Variants in SDK1 observed in about 807,000 individuals in gnomAD.
SDK1 encodes protein sidekick-1.
A neutral mutation model predicts 245.5 loss-of-function variants in SDK1; 157 were observed. The ratio of observed to expected loss-of-function variants is 0.64; its 90% confidence interval spans 0.56 to 0.73. The LOEUF (loss-of-function observed/expected upper bound fraction) is 0.73, where lower values mean the gene tolerates loss of function less well. Among genes scored for constraint, SDK1 ranks in the 30% least tolerant of loss-of-function variants. The probability of loss-of-function intolerance (pLI) is 0.00; values close to 1 mark genes in which losing one functional copy is unlikely to be tolerated. For synonymous variants in SDK1, 1,647 were observed against 1,278.5 expected (o/e 1.29, Z -6.15); for missense variants, 3,583 against 3,002.3 (o/e 1.19, Z -4.52).
intron 1 of SDK1, among the ~76,000 whole-genome samples, chr7:3,576,723 T>G (rs1333221184): frequency 1.3e-5 from 2 of 152,104 alleles, no homozygotes; most frequent in African/African-American, 4.8e-5. Flanking sequence ...TTGAGCCACG[T>G]GCACAAACTA....
intron 22 of SDK1, among the ~76,000 whole-genome samples, chr7:4,105,323 T>A (rs982980241): frequency 2.3e-4 from 34 of 149,476 alleles, no homozygotes; most frequent in African/African-American, 3.2e-4. Context: ...CGTTTGTTTG[T>A]TTTAGATGGA....
intron 32 of SDK1, among the ~76,000 whole-genome samples, chr7:4,163,179 G>T (rs1209738564): frequency 6.6e-6 from 1 of 152,184 alleles, no homozygotes; most frequent in East Asian, 1.9e-4. Context: ...ATAGTGGGAT[G>T]GGGCCAGCAT....
intron 1 of SDK1, among the ~76,000 whole-genome samples, chr7:3,585,549 G>T (rs751660022): frequency 1.5e-4 from 23 of 152,196 alleles, no homozygotes; most frequent in Non-Finnish European, 2.6e-4. Flanking sequence ...GCACAAAGCT[G>T]CAAGAGCCCT....
chr7:3,884,721 T>C (rs576476774), intron 5 of SDK1, among the ~76,000 whole-genome samples: 2 of 152,332 alleles, frequency 1.3e-5, no homozygotes, highest in South Asian at 2.1e-4. Context: ...GAACTACAGC[T>C]ATGGGCAGAG....
intron 1 of SDK1, among the ~76,000 whole-genome samples, chr7:3,530,482 A>G (rs570444749): frequency 7.5e-4 from 114 of 152,340 alleles, no homozygotes; most frequent in Non-Finnish European, 1.3e-3. Context: ...GAAAACATCT[A>G]CTGATAATGG....
chr7:3,517,154 G>C (rs1379246599), intron 1 of SDK1, among the ~76,000 whole-genome samples: 3 of 152,076 alleles, frequency 2.0e-5, no homozygotes, highest in Non-Finnish European at 4.4e-5. Context: ...AATTTCCTAA[G>C]CTTTCTGAAA....
chr7:3,812,715 G>A (rs1779415159), intron 4 of SDK1, among the ~76,000 whole-genome samples: 1 of 152,118 alleles, frequency 6.6e-6, no homozygotes. Context: ...TTCTCCTACT[G>A]CAGAAGTATA....
chr7:3,701,272 G>A (rs1044416180), intron 4 of SDK1, among the ~76,000 whole-genome samples: 2 of 152,158 alleles, frequency 1.3e-5, no homozygotes, highest in Non-Finnish European at 2.9e-5. Context: ...ACAAAATACC[G>A]ATGACAGAAA....
At chr7:3,958,266 A>G (rs1052091311) in intron 7 of SDK1, 7 of 278,010 alleles carry the variant, frequency 2.5e-5, no homozygotes, top group African/African-American at 1.2e-4. Flanking sequence ...TTTCTGCTGA[A>G]TAAACTGGAA....
At chr7:3,375,006 G>A (rs767775670) in intron 1 of SDK1, among the ~76,000 whole-genome samples, 19 of 152,058 alleles carry the variant, frequency 1.2e-4, no homozygotes, top group Non-Finnish European at 2.6e-4. Context: ...GTAGACATTC[G>A]TTAAATATTT....
chr7:4,183,966 G>T (rs1246154700), intron 35 of SDK1, among the ~76,000 whole-genome samples: 2 of 152,190 alleles, frequency 1.3e-5, no homozygotes, highest in African/African-American at 4.8e-5. Context: ...CATCTCAGTT[G>T]TTTGGCCTCA....
rs753736482 is a variant in SDK1 at position 4,268,743 on chromosome 7, C to T, written c.*3359C>T. ...AGTGTGGCTCCCCGTGGGTCAGCGT[C>T]CTGGTAGCATGGATCCAGTCTGAAA... On this transcript the variant is annotated 3_prime_UTR_variant, in exon 45 of 45. Coordinates refer to ENST00000404826, the MANE Select transcript of SDK1 (RefSeq NM_152744.4). The T allele has an allele frequency of 1.5e-6, 2 of 1,367,754 alleles. No individual in the cohort carries two copies. The highest frequency in any genetic ancestry group is 4.6e-5 in the East Asian group (1 of 21,972). The allele number at this position is 1,367,754 out of a possible 1,614,324, so 84.7% of individuals were successfully genotyped here.
chr7:3,523,974 TC>T (rs1227120885), intron 1 of SDK1, among the ~76,000 whole-genome samples: 1 of 152,284 alleles, frequency 6.6e-6, no homozygotes, highest in Admixed American at 6.5e-5. Context: ...GGATCCTTGA[TC>T]CTGGCCTGTG....
At chr7:3,937,156 A>G (rs1279730624) in intron 5 of SDK1, among the ~76,000 whole-genome samples, 1 of 151,916 alleles carries the variant, frequency 6.6e-6, no homozygotes. Context: ...GCTCTCTTAC[A>G]TTTGGCCATG....
intron 32 of SDK1, among the ~76,000 whole-genome samples, chr7:4,166,196 C>T (rs1331607027): frequency 1.3e-5 from 2 of 152,260 alleles, no homozygotes; most frequent in South Asian, 2.1e-4. Flanking sequence ...AGGAGGGTTA[C>T]ATCTGCCTGG....
chr7:3,429,081 A>G (rs1224936203), intron 1 of SDK1, among the ~76,000 whole-genome samples: 1 of 152,180 alleles, frequency 6.6e-6, no homozygotes, highest in African/African-American at 2.4e-5. Context: ...TAAGTAGTCA[A>G]ATTTGAAAGT....
At chr7:3,376,778 CAG>C (rs1781366411) in intron 1 of SDK1, among the ~76,000 whole-genome samples, 1 of 152,114 alleles carries the variant, frequency 6.6e-6, no homozygotes, top group South Asian at 2.1e-4. Flanking sequence ...CGGACACACA[CAG>C]AAAGATGTGT....
intron 22 of SDK1, among the ~76,000 whole-genome samples, chr7:4,091,334 C>CTTTTCTTTTTTTTTTTTT (rs1259034611): frequency 8.3e-5 from 9 of 108,216 alleles, no homozygotes; most frequent in South Asian, 3.1e-4. Flanking sequence ...CTTTTCTTTT[C>CTTTTCTTTTTTTTTTTTT]TTTTTTTTTT....
chr7:3,704,567 C>T (rs1339752933), intron 4 of SDK1, among the ~76,000 whole-genome samples: 1 of 151,920 alleles, frequency 6.6e-6, no homozygotes, highest in Non-Finnish European at 1.5e-5. Context: ...AGTTTGAGTT[C>T]CTTGTGTTTT....
Sources: gnomAD v4.1 joint callset for allele counts (sites outside exome capture counted in the v4.1 genomes callset) on GRCh38, gnomAD v4.1.1 for gene constraint, MANE v1.5 for transcripts, NCBI Gene and HGNC (gene_info 2026-07-23, HGNC 2026-07-21) for gene names.